The following HDAC9 variants were observed in gnomAD, a reference collection of about 807,000 sequenced individuals.
HDAC9 encodes histone deacetylase 9.
In HDAC9, 41 loss-of-function variants were observed where a neutral mutation model predicts 139.4. The observed-to-expected ratio is 0.29, with a 90% confidence interval of 0.23 to 0.38. HDAC9 has a LOEUF of 0.38. HDAC9 is among the 10% of genes least tolerant of loss of function. The pLI, the probability that HDAC9 is intolerant of heterozygous loss-of-function variation, is 1.00. For synonymous variants in HDAC9, 517 were observed against 476.2 expected (o/e 1.09, Z -1.12); for missense variants, 1,147 against 1,297.0 (o/e 0.88, Z 1.78).
intron 25 of HDAC9, among the ~76,000 whole-genome samples, chr7:18,981,353 A>C (rs1349079068): frequency 6.6e-6 from 1 of 152,230 alleles, no homozygotes; most frequent in African/African-American, 2.4e-5. Flanking sequence ...GGCCAGGATC[A>C]CAAAGCTGCC....
chr7:18,774,223 G>T (rs991903910), intron 16 of HDAC9, among the ~76,000 whole-genome samples: 5 of 151,930 alleles, frequency 3.3e-5, no homozygotes, highest in African/African-American at 1.2e-4. Flanking sequence ...GATTCTCTTA[G>T]CAATAGAGCA....
chr7:18,776,562 C>G (rs906761301), intron 16 of HDAC9, among the ~76,000 whole-genome samples: 1 of 151,888 alleles, frequency 6.6e-6, no homozygotes, highest in Non-Finnish European at 1.5e-5. Flanking sequence ...GACAAATAAG[C>G]AAGAATGAAT....
chr7:18,225,419 A>G (rs931401406), intron 2 of HDAC9, among the ~76,000 whole-genome samples: 1 of 152,178 alleles, frequency 6.6e-6, no homozygotes, highest in African/African-American at 2.4e-5. Context: ...ATTTTCATTT[A>G]TAATTCTTTT....
At position 18,418,137 on chromosome 7, in the gene HDAC9, G is replaced by A. The variant is rs147909085; in HGVS notation, c.-41-78125G>A. ...GCTCAAGTCTAGAATCTTGAAAACC[G>A]TTGCTCAGCTTTTGGTTTTGTTCGC... On this transcript the variant is annotated intron_variant, in intron 1 of 3. Transcript: ENST00000413509. Among the ~76,000 whole-genome samples, 1,308 of 152,182 alleles carry A rather than the reference G, an allele frequency of 8.6e-3. 13 individuals are homozygous for A. Among genetic ancestry groups the A allele is most frequent in the African/African-American group, 0.029 (1,219 of 41,512 alleles).
intron 1 of HDAC9, among the ~76,000 whole-genome samples, chr7:18,473,184 T>C (rs541931582): frequency 6.6e-6 from 1 of 152,340 alleles, no homozygotes; most frequent in South Asian, 2.1e-4. Context: ...ATTGGGGATT[T>C]GCAGCAACTT....
At chr7:18,273,426 G>A (rs891843820) in intron 2 of HDAC9, among the ~76,000 whole-genome samples, 2 of 152,086 alleles carry the variant, frequency 1.3e-5, no homozygotes, top group African/African-American at 2.4e-5. Context: ...CCAGACTGGA[G>A]AGCCAGAAAG....
chr7:18,565,219 C>G (rs1372388486), intron 2 of HDAC9, among the ~76,000 whole-genome samples: 2 of 152,106 alleles, frequency 1.3e-5, no homozygotes, highest in African/African-American at 4.8e-5. Context: ...TGATCTCAAA[C>G]TGCCAACCTC....
intron 1 of HDAC9, among the ~76,000 whole-genome samples, chr7:18,110,554 G>A (rs898434848): frequency 3.9e-5 from 6 of 152,104 alleles, no homozygotes; most frequent in Non-Finnish European, 2.9e-5. Flanking sequence ...TGGGAATATG[G>A]ATGGTGAGTG....
chr7:18,375,504 A>G (rs1784926867), intron 1 of HDAC9, among the ~76,000 whole-genome samples: 1 of 151,790 alleles, frequency 6.6e-6, no homozygotes, highest in African/African-American at 2.4e-5. Context: ...AACAAAAGAG[A>G]ATTTATATAA....
chr7:18,383,444 T>C (rs1200824479), intron 1 of HDAC9, among the ~76,000 whole-genome samples: 2 of 152,196 alleles, frequency 1.3e-5, no homozygotes, highest in African/African-American at 4.8e-5. Flanking sequence ...TTCAGGTATA[T>C]GATAAAACTG....
chr7:18,191,223 A>T (rs1790331125), intron 2 of HDAC9, among the ~76,000 whole-genome samples: 1 of 152,202 alleles, frequency 6.6e-6, no homozygotes, highest in Non-Finnish European at 1.5e-5. Context: ...TAAGCTATAC[A>T]AAAAAATTAA....
chr7:18,616,258 G>A (rs368266407), intron 6 of HDAC9, among the ~76,000 whole-genome samples: 7 of 149,728 alleles, frequency 4.7e-5, no homozygotes, highest in African/African-American at 1.7e-4. Context: ...AATAGAACAT[G>A]GACATCTTTG....
At chr7:18,442,312 T>C (rs939221952) in intron 1 of HDAC9, among the ~76,000 whole-genome samples, 4 of 152,202 alleles carry the variant, frequency 2.6e-5, no homozygotes, top group Non-Finnish European at 5.9e-5. Flanking sequence ...TCCATTCATC[T>C]CTCTTACAAG....
At chr7:18,364,296 A>C (rs1264852461) in intron 1 of HDAC9, among the ~76,000 whole-genome samples, 2 of 152,046 alleles carry the variant, frequency 1.3e-5, no homozygotes, top group Non-Finnish European at 2.9e-5. Context: ...TAAAGCGAAA[A>C]ATTTCTCATG....
chr7:18,701,054 A>G (rs945652350), intron 12 of HDAC9, among the ~76,000 whole-genome samples: 1 of 152,132 alleles, frequency 6.6e-6, no homozygotes, highest in African/African-American at 2.4e-5. Flanking sequence ...CAGATACAGG[A>G]CCAAATTAAA....
At chr7:18,441,628 G>A (rs1461078727) in intron 1 of HDAC9, among the ~76,000 whole-genome samples, 2 of 152,124 alleles carry the variant, frequency 1.3e-5, no homozygotes, top group Non-Finnish European at 2.9e-5. Flanking sequence ...CACTTGTTTG[G>A]AGGTGAGACT....
intron 2 of HDAC9, among the ~76,000 whole-genome samples, chr7:18,580,525 A>G (rs1321986562): frequency 6.6e-6 from 1 of 152,230 alleles, no homozygotes; most frequent in Admixed American, 6.5e-5. Flanking sequence ...ATGAGTCCAA[A>G]TAAAGCTAGC....
At chr7:18,815,017 A>T (rs1430881209) in intron 17 of HDAC9, among the ~76,000 whole-genome samples, 1 of 152,200 alleles carries the variant, frequency 6.6e-6, no homozygotes, top group Admixed American at 6.5e-5. Flanking sequence ...TTGTAGTAAA[A>T]TATGAGTATA....
intron 2 of HDAC9, among the ~76,000 whole-genome samples, chr7:18,233,315 G>A (rs1252091181): frequency 6.6e-6 from 1 of 151,850 alleles, no homozygotes; most frequent in Non-Finnish European, 1.5e-5. Flanking sequence ...TCATTTTTGA[G>A]GACTTAAATA....
Sources: gnomAD v4.1 joint callset for allele counts (sites outside exome capture counted in the v4.1 genomes callset) on GRCh38, gnomAD v4.1.1 for gene constraint, MANE v1.5 for transcripts, NCBI Gene and HGNC (gene_info 2026-07-23, HGNC 2026-07-21) for gene names.